ITPRID1: variants seen among roughly 807,000 people sequenced by gnomAD.
ITPRID1 encodes ITPR interacting domain containing 1.
In ITPRID1, 96 loss-of-function variants were observed where a neutral mutation model predicts 95.4. The ratio of observed to expected loss-of-function variants is 1.01; its 90% confidence interval spans 0.85 to 1.19. The LOEUF (loss-of-function observed/expected upper bound fraction) is 1.19. Among genes scored for constraint, ITPRID1 ranks in the 50% most tolerant of loss-of-function variants. The probability of loss-of-function intolerance (pLI) is 0.00; values close to 1 mark genes in which losing one functional copy is unlikely to be tolerated. For synonymous variants in ITPRID1, 510 were observed against 453.6 expected, an observed-to-expected ratio of 1.12 and a Z score of -1.58; for missense variants, 1,339 against 1,252.9, an observed-to-expected ratio of 1.07 and a Z score of -1.04.
At chr7:31,625,605 C>T (rs1202484279) in intron 10 of ITPRID1, among the ~76,000 whole-genome samples, 1 of 151,910 alleles carries the variant, frequency 6.6e-6, no homozygotes, top group Admixed American at 6.5e-5. Context: ...GGGAACATCA[C>T]ACTCTGGGGA....
Position 31,578,164 on chromosome 7 carries a change from C to T in ITPRID1, c.900C>T (p.Thr300=). 1 of 1,613,778 alleles carries T rather than the reference C, an allele frequency of 6.2e-7. No homozygotes were observed. The highest frequency in any genetic ancestry group is 1.1e-5 in the South Asian group (1 of 91,068). Residue 300 remains threonine (T), a synonymous_variant, in exon 9 of 15, where the codon ACC becomes ACT. Coordinates refer to ENST00000615280, the MANE Select transcript of ITPRID1 (RefSeq NM_001257967.3). The part of the protein sequence containing the change: ...PWDCGAELAA[T]SINHKQNHLS... ...ATTGTGGAGCAGAGCTAGCAGCAAC[C>T]TCAATCAACCACAAGCAAAATCATT...
intron 8 of ITPRID1, among the ~76,000 whole-genome samples, chr7:31,575,409 G>A (rs1310536206): frequency 6.6e-6 from 1 of 152,196 alleles, no homozygotes; most frequent in Non-Finnish European, 1.5e-5. Flanking sequence ...GCATGTTGCT[G>A]TACTTCTTCA....
At chr7:31,605,465 G>A (rs746720791) in intron 10 of ITPRID1, among the ~76,000 whole-genome samples, 2 of 152,164 alleles carry the variant, frequency 1.3e-5, no homozygotes, top group African/African-American at 2.4e-5. Flanking sequence ...TTCTCAGGTA[G>A]TATGAAATTA....
chr7:31,519,441 TGAA>T (rs1293099956), intron 1 of ITPRID1, among the ~76,000 whole-genome samples: 1 of 151,738 alleles, frequency 6.6e-6, no homozygotes, highest in African/African-American at 2.4e-5. Context: ...TCATATAAAA[TGAA>T]GAAAGTAAAA....
chr7:31,612,868 A>C (rs929564488), intron 10 of ITPRID1, among the ~76,000 whole-genome samples: 2 of 152,188 alleles, frequency 1.3e-5, no homozygotes, highest in Admixed American at 1.3e-4. Context: ...CGAATATGTC[A>C]GAGTTTTTCA....
chr7:31,639,666 A>G (rs906002892), intron 10 of ITPRID1, among the ~76,000 whole-genome samples: 5 of 150,806 alleles, frequency 3.3e-5, no homozygotes, highest in Non-Finnish European at 7.4e-5. Flanking sequence ...CCTCCCAAGT[A>G]TCTGGGACTA....
chr7:31,515,921 C>T (rs2128125314), intron 1 of ITPRID1, among the ~76,000 whole-genome samples: 1 of 152,196 alleles, frequency 6.6e-6, no homozygotes, highest in Non-Finnish European at 1.5e-5. Flanking sequence ...GCTTCTGTTT[C>T]ATATAAGATG....
intron 10 of ITPRID1, among the ~76,000 whole-genome samples, chr7:31,607,141 T>C (rs1206685102): frequency 6.6e-6 from 1 of 152,204 alleles, no homozygotes; most frequent in Non-Finnish European, 1.5e-5. Context: ...TCAAAGAATG[T>C]ATAATCAGAA....
At chr7:31,603,958 T>C (rs1786507490) in intron 10 of ITPRID1, among the ~76,000 whole-genome samples, 2 of 152,218 alleles carry the variant, frequency 1.3e-5, no homozygotes, top group Admixed American at 6.5e-5. Flanking sequence ...CCTTTAGTGC[T>C]CCTGTAAATG....
chr7:31,591,130 G>T (rs2128154381), intron 10 of ITPRID1, among the ~76,000 whole-genome samples: 1 of 152,342 alleles, frequency 6.6e-6, no homozygotes, highest in Admixed American at 6.5e-5. Context: ...TAGTGAGCAA[G>T]ACAGGAGTTG....
intron 10 of ITPRID1, among the ~76,000 whole-genome samples, chr7:31,594,053 G>A (rs1785973912): frequency 6.6e-6 from 1 of 152,170 alleles, no homozygotes; most frequent in African/African-American, 2.4e-5. Flanking sequence ...CACATATACA[G>A]CAGTGGTCCT....
At chr7:31,528,323 T>A (rs1783487627) in intron 1 of ITPRID1, among the ~76,000 whole-genome samples, 4 of 152,220 alleles carry the variant, frequency 2.6e-5, no homozygotes, top group Admixed American at 2.6e-4. Context: ...TATTAAAATC[T>A]TCTAGAATGA....
At chr7:31,645,368 G>T (rs1053258204) in intron 12 of ITPRID1, among the ~76,000 whole-genome samples, 1 of 152,140 alleles carries the variant, frequency 6.6e-6, no homozygotes, top group Non-Finnish European at 1.5e-5. Context: ...TTTTTTAATT[G>T]CAAGACTCCC....
At chr7:31,563,321 G>A (rs1355578068) in intron 5 of ITPRID1, among the ~76,000 whole-genome samples, 4 of 152,144 alleles carry the variant, frequency 2.6e-5, no homozygotes, top group African/African-American at 9.7e-5. Context: ...TTTCATGCTA[G>A]GGAGCAATGG....
intron 10 of ITPRID1, among the ~76,000 whole-genome samples, chr7:31,596,624 T>A (rs1179717458): frequency 6.6e-6 from 1 of 151,626 alleles, no homozygotes; most frequent in Non-Finnish European, 1.5e-5. Context: ...TGACAGATTT[T>A]AAAAAAATGT....
At chr7:31,563,759 G>T (rs1454895597) in intron 5 of ITPRID1, among the ~76,000 whole-genome samples, 1 of 152,194 alleles carries the variant, frequency 6.6e-6, no homozygotes, top group East Asian at 1.9e-4. Context: ...TTACAATAGG[G>T]GGCGGCAGTG....
chr7:31,563,623 T>A (rs537704838), intron 5 of ITPRID1, among the ~76,000 whole-genome samples: 1 of 152,304 alleles, frequency 6.6e-6, no homozygotes, highest in East Asian at 1.9e-4. Context: ...CCAGCTCTAT[T>A]ATAGTGAGTC....
chr7:31,537,163 A>G (rs1036468457), intron 1 of ITPRID1, among the ~76,000 whole-genome samples: 1 of 150,434 alleles, frequency 6.6e-6, no homozygotes, highest in Non-Finnish European at 1.5e-5. Flanking sequence ...TGCCTGTTGA[A>G]GAGGAACTGG....
intron 1 of ITPRID1, among the ~76,000 whole-genome samples, chr7:31,537,423 G>A (rs1783797032): frequency 6.6e-6 from 1 of 152,042 alleles, no homozygotes; most frequent in Non-Finnish European, 1.5e-5. Flanking sequence ...TCTGCTACAA[G>A]AGACTTGCCA....
Sources: gnomAD v4.1 joint callset for allele counts (sites outside exome capture counted in the v4.1 genomes callset) on GRCh38, gnomAD v4.1.1 for gene constraint, MANE v1.5 for transcripts, NCBI Gene and HGNC (gene_info 2026-07-23, HGNC 2026-07-21) for gene names.